MDGA2: variants seen among roughly 807,000 people sequenced by gnomAD.
The protein encoded by MDGA2 is MAM domain-containing glycosylphosphatidylinositol anchor protein 2.
In MDGA2, 40 loss-of-function variants were observed where a neutral mutation model predicts 117.8. The ratio of observed to expected loss-of-function variants is 0.34; its 90% CI spans 0.26 to 0.44. The LOEUF (loss-of-function observed/expected upper bound fraction) is 0.44. MDGA2 is among the 20% of genes least tolerant of loss of function. The probability of loss-of-function intolerance (pLI) is 1.00; values close to 1 mark genes in which losing one functional copy is unlikely to be tolerated. For missense variants in MDGA2, 1,123 were observed against 1,250.6 expected, an observed-to-expected ratio of 0.90 and a Z score of 1.54; for synonymous variants, 452 against 439.0, an observed-to-expected ratio of 1.03 and a Z score of -0.37.
At chr14:46,901,668 A>G in intron 10 of MDGA2, among the ~76,000 whole-genome samples, 1 of 152,236 alleles carries the variant, frequency 6.6e-6, no homozygotes, top group East Asian at 1.9e-4. Context: ...TTGTAAAAGC[A>G]ATTTAATTAA....
chr14:47,576,564 C>A (rs1896119089), intron 1 of MDGA2, among the ~76,000 whole-genome samples: 1 of 152,058 alleles, frequency 6.6e-6, no homozygotes, highest in South Asian at 2.1e-4. Flanking sequence ...TTTAAAGGAG[C>A]CAATGAGGTG....
intron 10 of MDGA2, among the ~76,000 whole-genome samples, chr14:46,907,894 G>A (rs1027447341): frequency 6.6e-6 from 1 of 152,112 alleles, no homozygotes; most frequent in Non-Finnish European, 1.5e-5. Context: ...TCCTGAGTAC[G>A]TAGTTAAGGT....
chr14:47,118,749 C>CA (rs1319211750), intron 5 of MDGA2, among the ~76,000 whole-genome samples: 1 of 151,948 alleles, frequency 6.6e-6, no homozygotes, highest in African/African-American at 2.4e-5. Flanking sequence ...ACATCAACAA[C>CA]AAAAAAAGGT....
At chr14:47,640,714 C>T (rs545791607) in intron 1 of MDGA2, among the ~76,000 whole-genome samples, 1 of 152,252 alleles carries the variant, frequency 6.6e-6, no homozygotes, top group East Asian at 1.9e-4. Context: ...TTGTGGCTTA[C>T]TGAACATGCT....
At chr14:47,550,465 A>C (rs1895559574) in intron 1 of MDGA2, among the ~76,000 whole-genome samples, 1 of 152,206 alleles carries the variant, frequency 6.6e-6, no homozygotes, top group African/African-American at 2.4e-5. Flanking sequence ...TACTCTATAA[A>C]TATAAAACCA....
intron 1 of MDGA2, among the ~76,000 whole-genome samples, chr14:47,651,247 TGTGTA>T (rs372071077): frequency 0.049 from 7,254 of 148,578 alleles, 258 homozygotes; most frequent in Non-Finnish European, 0.077. Context: ...TGTGTGTGTG[TGTGTA>T]TACCCATAAA....
intron 2 of MDGA2, among the ~76,000 whole-genome samples, chr14:47,272,180 T>C (rs558510759): frequency 1.3e-5 from 2 of 152,076 alleles, no homozygotes; most frequent in South Asian, 2.1e-4. Flanking sequence ...CAATTGTTAA[T>C]TTCGTTGAGA....
At chr14:47,592,907 A>G (rs1361240144) in intron 1 of MDGA2, among the ~76,000 whole-genome samples, 1 of 152,226 alleles carries the variant, frequency 6.6e-6, no homozygotes, top group East Asian at 1.9e-4. Context: ...TAAACTAAAG[A>G]ACTTCTGCAC....
intron 1 of MDGA2, chr14:47,443,961 A>G (rs34925115): frequency 0.033 from 5,067 of 152,344 alleles, 114 homozygotes; most frequent in Middle Eastern, 0.058. Context: ...CACAGTTACT[A>G]GATTATAACT....
At chr14:47,062,559 A>G (rs1053667299) in intron 6 of MDGA2, among the ~76,000 whole-genome samples, 1 of 150,994 alleles carries the variant, frequency 6.6e-6, no homozygotes, top group Non-Finnish European at 1.5e-5. Context: ...CTATCCCTAC[A>G]TGACAAAATG....
intron 8 of MDGA2, among the ~76,000 whole-genome samples, chr14:46,975,310 C>T (rs1357887190): frequency 1.3e-5 from 2 of 151,934 alleles, no homozygotes; most frequent in African/African-American, 2.4e-5. Flanking sequence ...TTTTAAAAAA[C>T]GAATTACTAC....
chr14:47,456,371 CA>C (rs1230177305), intron 1 of MDGA2, among the ~76,000 whole-genome samples: 1 of 151,418 alleles, frequency 6.6e-6, no homozygotes, highest in Non-Finnish European at 1.5e-5. Flanking sequence ...CGACTCACCG[CA>C]ACCTCTGCCT....
chr14:47,510,908 C>T (rs1225392092), intron 1 of MDGA2, among the ~76,000 whole-genome samples: 1 of 143,516 alleles, frequency 7.0e-6, no homozygotes, highest in Non-Finnish European at 1.6e-5. Context: ...TGGATCTCAG[C>T]TCAAATGTTT....
At chr14:47,496,042 T>C (rs946479869) in intron 1 of MDGA2, among the ~76,000 whole-genome samples, 2 of 152,150 alleles carry the variant, frequency 1.3e-5, no homozygotes, top group African/African-American at 4.8e-5. Flanking sequence ...CCTCTTCACA[T>C]ACTTAGTACA....
At chr14:47,301,104 T>C (rs1321070828) in intron 2 of MDGA2, among the ~76,000 whole-genome samples, 1 of 152,158 alleles carries the variant, frequency 6.6e-6, no homozygotes, top group Non-Finnish European at 1.5e-5. Flanking sequence ...TACTGAGATA[T>C]TTTTGTAGTT....
chr14:47,195,522 C>T (rs763129633), intron 3 of MDGA2, among the ~76,000 whole-genome samples: 5 of 151,952 alleles, frequency 3.3e-5, no homozygotes, highest in Admixed American at 6.6e-5. Flanking sequence ...CTTATATCTA[C>T]AAAGTTTAAT....
intron 1 of MDGA2, among the ~76,000 whole-genome samples, chr14:47,534,282 A>G: frequency 6.6e-6 from 1 of 152,224 alleles, no homozygotes; most frequent in Non-Finnish European, 1.5e-5. Context: ...GGTAGCTTCA[A>G]TAAAAGATCA....
intron 1 of MDGA2, among the ~76,000 whole-genome samples, chr14:47,522,130 A>G (rs1255211983): frequency 6.6e-6 from 1 of 152,186 alleles, no homozygotes; most frequent in Non-Finnish European, 1.5e-5. Flanking sequence ...CTAAAATTAA[A>G]CACATTAACT....
At chr14:47,006,657 C>A (rs1451873013) in intron 8 of MDGA2, among the ~76,000 whole-genome samples, 1 of 151,340 alleles carries the variant, frequency 6.6e-6, no homozygotes, top group Non-Finnish European at 1.5e-5. Flanking sequence ...TTATTTAGTT[C>A]TTTCTCAGCA....
Sources: allele counts gnomAD v4.1 joint callset (sites outside exome capture counted in the v4.1 genomes callset), GRCh38; gene constraint gnomAD v4.1.1; transcripts MANE v1.5; gene names NCBI Gene and HGNC (gene_info 2026-07-23, HGNC 2026-07-21).